Variants in SGCG observed in about 807,000 individuals in gnomAD.
SGCG encodes gamma-sarcoglycan.
A neutral mutation model predicts 29.3 loss-of-function variants in SGCG; 26 were observed. The ratio of observed to expected loss-of-function variants is 0.89; its 90% confidence interval spans 0.65 to 1.23. The LOEUF is 1.23. Among genes scored for constraint, SGCG ranks in the 50% most tolerant of loss-of-function variants. The pLI is 0.00. For missense variants in SGCG, 353 were observed against 356.0 expected (o/e 0.99, Z 0.07); for synonymous variants, 145 against 129.7 (o/e 1.12, Z -0.80).
intron 1 of SGCG, among the ~76,000 whole-genome samples, chr13:23,194,465 A>G (rs1273594851): frequency 6.6e-6 from 1 of 151,898 alleles, no homozygotes; most frequent in Admixed American, 6.6e-5. Context: ...TGTTGTTAGG[A>G]TTTCACCCCT....
At chr13:23,243,208 T>C (rs1879575021) in intron 3 of SGCG, among the ~76,000 whole-genome samples, 1 of 152,166 alleles carries the variant, frequency 6.6e-6, no homozygotes, top group Non-Finnish European at 1.5e-5. Context: ...TAGTCTCACA[T>C]AACAGGAAGC....
At chr13:23,246,567 G>A (rs1447195303) in intron 3 of SGCG, 1 of 163,818 alleles carries the variant, frequency 6.1e-6, no homozygotes, top group Non-Finnish European at 1.3e-5. Context: ...ATCAGCCTTT[G>A]GCTGATAGCC....
Position 23,294,178 on chromosome 13 carries a change from G to A in SGCG, c.506-1237G>A, listed in dbSNP as rs998474302. Among the ~76,000 whole-genome samples the A allele has an allele frequency of 2.6e-5, 4 of 152,184 alleles. No homozygotes were observed. In the East Asian group the frequency reaches 7.7e-4, roughly 29 times the overall value. ...TGGCAGCCACAGCCTCTTAAGCCAA[G>A]GGTAGGACCTGAGCCAGAGGTGGGA... On this transcript the variant is annotated intron_variant, in intron 5 of 7. Coordinates refer to ENST00000218867, the MANE Select transcript of SGCG (RefSeq NM_000231.3).
At chr13:23,226,421 C>T (rs1878900578) in intron 2 of SGCG, among the ~76,000 whole-genome samples, 1 of 147,122 alleles carries the variant, frequency 6.8e-6, no homozygotes, top group Non-Finnish European at 1.5e-5. Flanking sequence ...TATCTGTAGG[C>T]TGAGAGCAAA....
chr13:23,277,155 C>T (rs188063289), intron 4 of SGCG, among the ~76,000 whole-genome samples: 18 of 152,268 alleles, frequency 1.2e-4, no homozygotes, highest in Middle Eastern at 3.4e-3. Context: ...CACAGTTCAA[C>T]CCCTTATACT....
intron 1 of SGCG, among the ~76,000 whole-genome samples, chr13:23,185,331 A>C (rs761746034): frequency 6.6e-6 from 1 of 152,168 alleles, no homozygotes; most frequent in Non-Finnish European, 1.5e-5. Flanking sequence ...AGCTGAGACT[A>C]CAGGCACCTG....
intron 1 of SGCG, among the ~76,000 whole-genome samples, chr13:23,198,683 A>T (rs954041032): frequency 2.0e-5 from 3 of 151,932 alleles, no homozygotes; most frequent in Non-Finnish European, 4.4e-5. Flanking sequence ...AGTCTCTATT[A>T]AAAATATAAA....
At chr13:23,270,022 C>A (rs372423201) in intron 4 of SGCG, among the ~76,000 whole-genome samples, 1 of 151,788 alleles carries the variant, frequency 6.6e-6, no homozygotes, top group African/African-American at 2.4e-5. Flanking sequence ...CTACAGGCGC[C>A]CGCCACCATG....
At chr13:23,314,160 T>G (rs1234807679) in intron 6 of SGCG, among the ~76,000 whole-genome samples, 3 of 143,478 alleles carry the variant, frequency 2.1e-5, no homozygotes, top group Admixed American at 7.0e-5. Flanking sequence ...TAGCTATATA[T>G]ATAGAGTTTT....
At chr13:23,184,006 A>G (rs912181638) in intron 1 of SGCG, among the ~76,000 whole-genome samples, 2 of 152,220 alleles carry the variant, frequency 1.3e-5, no homozygotes, top group African/African-American at 4.8e-5. Flanking sequence ...GTGAAACAAT[A>G]TAAGTGTGTT....
At chr13:23,322,607 T>C (rs747545748) in intron 7 of SGCG, among the ~76,000 whole-genome samples, 2 of 152,170 alleles carry the variant, frequency 1.3e-5, no homozygotes, top group South Asian at 2.1e-4. Context: ...GCCTGAGTTA[T>C]TGCAGTCAGG....
chr13:23,268,733 C>A (rs1230904798), intron 4 of SGCG: 1 of 152,608 alleles, frequency 6.6e-6, no homozygotes, highest in Non-Finnish European at 1.5e-5. Context: ...CTGCCCTCAG[C>A]ACCAGTTGCC....
At chr13:23,169,730 ACACACACACACACACACG>A in the SGCG span, 2 of 132,916 alleles carry the variant, frequency 1.5e-5, no homozygotes, top group African/African-American at 2.9e-5. Flanking sequence ...ACACACACAC[ACACACACACACACACACG>A]CAACTTCTTT....
At chr13:23,207,810 G>A (rs895068889) in intron 2 of SGCG, among the ~76,000 whole-genome samples, 1 of 152,076 alleles carries the variant, frequency 6.6e-6, no homozygotes, top group African/African-American at 2.4e-5. Context: ...AAATACTGGC[G>A]AGGGTGTGGT....
intron 5 of SGCG, among the ~76,000 whole-genome samples, chr13:23,294,541 A>T (rs1947868010): frequency 1.3e-5 from 2 of 152,328 alleles, no homozygotes; most frequent in South Asian, 4.1e-4. Context: ...GAAAATAGGA[A>T]ATAGTCCCTG....
intron 2 of SGCG, among the ~76,000 whole-genome samples, chr13:23,207,152 GA>G (rs1208632748): frequency 6.6e-6 from 1 of 152,044 alleles, no homozygotes; most frequent in African/African-American, 2.4e-5. Flanking sequence ...AGAGATCCCA[GA>G]AAAAAATCCA....
intron 6 of SGCG, among the ~76,000 whole-genome samples, chr13:23,311,034 A>G (rs1882578338): frequency 6.6e-6 from 1 of 152,236 alleles, no homozygotes; most frequent in South Asian, 2.1e-4. Context: ...TTTAATTTCC[A>G]TAAGTACATT....
chr13:23,285,041 G>A (rs773959310), intron 5 of SGCG, among the ~76,000 whole-genome samples: 1 of 152,196 alleles, frequency 6.6e-6, no homozygotes, highest in Non-Finnish European at 1.5e-5. Flanking sequence ...TGAGGTGTCT[G>A]TCGACCCCTG....
chr13:23,206,312 T>C (rs1451880796), intron 2 of SGCG, among the ~76,000 whole-genome samples: 1 of 152,200 alleles, frequency 6.6e-6, no homozygotes, highest in African/African-American at 2.4e-5. Context: ...CATTGTTTAA[T>C]AGCACCCATT....
Sources: allele counts gnomAD v4.1 joint callset (sites outside exome capture counted in the v4.1 genomes callset), GRCh38; gene constraint gnomAD v4.1.1; transcripts MANE v1.5; gene names NCBI Gene and HGNC (gene_info 2026-07-23, HGNC 2026-07-21).